The following KIF15 variants were observed in gnomAD, a reference collection of about 807,000 sequenced individuals.
KIF15 encodes kinesin family member 15.
In KIF15, 140 loss-of-function variants were observed where a neutral mutation model predicts 190.6. That is an observed-to-expected ratio of 0.73 (90% CI 0.64 to 0.84). The LOEUF is 0.84. KIF15 is among the 40% of genes least tolerant of loss of function. The pLI is 0.00. For missense variants in KIF15, 1,372 were observed against 1,584.4 expected, an observed-to-expected ratio of 0.87 and a Z score of 2.28; for synonymous variants, 528 against 551.3, an observed-to-expected ratio of 0.96 and a Z score of 0.59.
intron 8 of KIF15, among the ~76,000 whole-genome samples, 189 bp from the exon 9 acceptor site, chr3:44,797,362 C>T (rs1025187334): frequency 6.6e-6 from 1 of 152,138 alleles, no homozygotes; most frequent in African/African-American, 2.4e-5. Flanking sequence ...TTACAGTGTA[C>T]ATCAAATAGG....
At chr3:44,863,582 A>C (rs138621023) in intron 6 of KIF15, 30 of 152,596 alleles carry the variant, frequency 2.0e-4, no homozygotes, top group African/African-American at 6.5e-4. Context: ...CCGCTGTAGC[A>C]CTTTAGGAAG....
intron 20 of KIF15, among the ~76,000 whole-genome samples, chr3:44,822,555 T>TG (rs1697402614): frequency 6.6e-6 from 1 of 152,220 alleles, no homozygotes; most frequent in African/African-American, 2.4e-5. Context: ...TGGCCTGCCT[T>TG]GCTAGGTTGG....
chr3:44,853,172 T>C lies in KIF15; in HGVS notation c.*437T>C, dbSNP rs1333181041. ...CAGGTACAAGAAGCAAACTTGTTAA[T>C]ATAGATTATTTTTGTATTCTTACTT... On this transcript the variant is annotated 3_prime_UTR_variant, in exon 35 of 35. Transcript: ENST00000326047. The C allele has an allele frequency of 2.0e-5, 3 of 152,720 alleles. No homozygotes were observed. The South Asian group carries it at 6.2e-4, about 32-fold the overall frequency. The allele number at this position is 152,720 out of a possible 1,614,324, so 9.5% of individuals were successfully genotyped here.
At chr3:44,843,737 G>A (rs939218388) in intron 30 of KIF15, among the ~76,000 whole-genome samples, 2 of 152,132 alleles carry the variant, frequency 1.3e-5, no homozygotes, top group Non-Finnish European at 2.9e-5. Context: ...TGCATTTGCC[G>A]ATACATTTGC....
chr3:44,762,360 TA>T (rs1282490363), intron 1 of KIF15, among the ~76,000 whole-genome samples: 1 of 152,240 alleles, frequency 6.6e-6, no homozygotes, highest in Non-Finnish European at 1.5e-5. Context: ...AATGGAATGT[TA>T]AAACACAGAT....
intron 19 of KIF15, among the ~76,000 whole-genome samples, chr3:44,814,447 CCA>C (rs1473784565): frequency 6.6e-6 from 1 of 152,104 alleles, no homozygotes; most frequent in Non-Finnish European, 1.5e-5. Context: ...GTAGATGGGA[CCA>C]CAGGTGCTCA....
Position 44,761,810 on chromosome 3 carries a change from G to C in KIF15, c.-56G>C. 6.2e-7 allele frequency: 1 copy of C among 1,613,508 alleles called. No individual in the cohort carries two copies. Among genetic ancestry groups the C allele is most frequent in the Non-Finnish European group, 8.5e-7 (1 of 1,179,446 alleles). On this transcript the variant is annotated 5_prime_UTR_variant, in exon 1 of 35. Transcript: ENST00000326047. ...GCGGAATTCAGTCGCGCGCGGTGCA[G>C]TCGGGAGGTGGAGGCACCGGCTGCA...
intron 26 of KIF15, among the ~76,000 whole-genome samples, chr3:44,834,785 T>G (rs922877189): frequency 6.6e-6 from 1 of 150,702 alleles, no homozygotes; most frequent in African/African-American, 2.4e-5. Context: ...AAAAAAAAAT[T>G]ACCTGGGCGT....
chr3:44,788,222 C>A (rs1706505581), intron 7 of KIF15, among the ~76,000 whole-genome samples: 2 of 152,274 alleles, frequency 1.3e-5, no homozygotes, highest in South Asian at 4.1e-4. Context: ...TTATAAGATG[C>A]TTTTATAATC....
rs1002763093 is a variant in KIF15 at position 44,831,154 on chromosome 3, C to A, written c.3171+136C>A. The stretch of plus-strand genomic sequence containing the variant: ...CTTATACAGCTGATGTGCCTCAAGA[C>A]GCTTCACTACACAGGCTCATTCTAC... On this transcript the variant is annotated intron_variant, in intron 26 of 34. Transcript: ENST00000326047. 5 of 973,690 alleles carry A rather than the reference C, an allele frequency of 5.1e-6. No individual in the cohort carries two copies. The East Asian group carries it at 1.1e-4, about 21-fold the overall frequency. The allele number at this position is 973,690 out of a possible 1,614,324, so 60.3% of individuals were successfully genotyped here.
At chr3:44,793,656 G>T (rs905898931) in intron 7 of KIF15, among the ~76,000 whole-genome samples, 6 of 152,150 alleles carry the variant, frequency 3.9e-5, no homozygotes, top group African/African-American at 1.4e-4. Context: ...TGGAACTTGG[G>T]ATAATATAAT....
At chr3:44,822,951 C>T (rs937228591) in intron 20 of KIF15, among the ~76,000 whole-genome samples, 16 of 152,146 alleles carry the variant, frequency 1.1e-4, no homozygotes, top group Admixed American at 1.0e-3. Context: ...TGGGTTTGAA[C>T]ATGGTCCTTT....
chr3:44,813,932 G>A, intron 19 of KIF15, among the ~76,000 whole-genome samples: 1 of 152,112 alleles, frequency 6.6e-6, no homozygotes, highest in Non-Finnish European at 1.5e-5. Flanking sequence ...TAAAGTTTTA[G>A]ATAAGCTGCT....
In KIF15 at chr3:44,815,027, A is replaced by G; in HGVS notation, c.2500A>G (p.Lys834Glu). ...AACGAATCAGGAGAAAGAATTCAACAAACTTTCCGAAAGACACATGCATGT... is the reference window on the plus strand; with the variant it reads ...AACGAATCAGGAGAAAGAATTCAACGAACTTTCCGAAAGACACATGCATGT... ...FKTNQEKEFN[K>E]LSERHMHVQL... The change falls in exon 20 of 35, where the codon AAA becomes GAA. Residue 834 changes from lysine to glutamate, a missense_variant. By Grantham distance (56) the Lys-to-Glu change is moderately conservative. Transcript: ENST00000326047. 1 of 1,611,688 alleles carries G rather than the reference A, an allele frequency of 6.2e-7. No homozygotes were observed. The highest frequency in any genetic ancestry group is 8.5e-7 in the Non-Finnish European group (1 of 1,179,304).
chr3:44,847,988 T>A lies in KIF15; in HGVS notation c.3699T>A (p.Asp1233Glu). ...DDIKRQKENS[D>E]QNHPDNQQLK... ...CCACCCCTGTTAATCTATGCAGTGA[T>A]CAGAATCATCCAGATAATCAACAGC... Residue 1233 changes from aspartate to glutamate, a missense_variant, in exon 31 of 35, where the codon GAT becomes GAA. Coordinates refer to ENST00000326047, the MANE Select transcript of KIF15 (RefSeq NM_020242.3). The A allele has an allele frequency of 1.2e-6, 2 of 1,609,040 alleles. No individual in the cohort carries two copies. Among genetic ancestry groups the A allele is most frequent in the Non-Finnish European group, 1.7e-6 (2 of 1,177,202 alleles).
rs371975847 is a variant in KIF15, at chr3:44,785,687, A to G, written c.460-708A>G. 1.1e-4 allele frequency among the ~76,000 whole-genome samples: 16 copies of G among 152,364 alleles called. No homozygotes were observed. In the East Asian group the frequency reaches 2.5e-3, roughly 24 times the overall value. On this transcript the variant is annotated intron_variant, in intron 6 of 34. Transcript: ENST00000326047. ...AAATAATTTAGTACCATGCATTTCT[A>G]TGGTTAAAAATCCTATAAAGTCTTT...
At chr3:44,763,533 CTCGTGATT>C (rs1198660360) in intron 1 of KIF15, among the ~76,000 whole-genome samples, 1 of 151,992 alleles carries the variant, frequency 6.6e-6, no homozygotes, top group African/African-American at 2.4e-5. Context: ...ATCTCCTGAC[CTCGTGATT>C]TGCCCACCTT....
chr3:44,816,392 A>G (rs566992716), intron 20 of KIF15, among the ~76,000 whole-genome samples: 1 of 99,640 alleles, frequency 1.0e-5, no homozygotes, highest in African/African-American at 3.8e-5. Context: ...TTCCTCCCCC[A>G]GCCCCCCACC....
intron 6 of KIF15, chr3:44,865,693 C>T (rs945586868): frequency 6.4e-6 from 1 of 156,388 alleles, no homozygotes; most frequent in African/African-American, 2.4e-5. Context: ...TAATTCTTTC[C>T]TTCCCTTTGG....
Sources: gnomAD v4.1 joint callset for allele counts (sites outside exome capture counted in the v4.1 genomes callset) on GRCh38, gnomAD v4.1.1 for gene constraint, MANE v1.5 for transcripts, NCBI Gene and HGNC (gene_info 2026-07-23, HGNC 2026-07-21) for gene names.